STAT4: variants seen among roughly 807,000 people sequenced by gnomAD.
STAT4 encodes the protein signal transducer and activator of transcription 4.
In STAT4, 42 loss-of-function variants were observed where a neutral mutation model predicts 110.5. The observed-to-expected ratio is 0.38, with a 90% CI of 0.30 to 0.49. The LOEUF (loss-of-function observed/expected upper bound fraction) is 0.49. STAT4 is among the 20% of genes least tolerant of loss of function. The probability of loss-of-function intolerance (pLI) is 0.95; values close to 1 mark genes in which losing one functional copy is unlikely to be tolerated. For synonymous variants in STAT4, 284 were observed against 302.2 expected (o/e 0.94, Z 0.63); for missense variants, 632 against 887.9 (o/e 0.71, Z 3.66).
intron 6 of STAT4, chr2:191,068,735 T>C (rs1016852279): frequency 6.6e-6 from 1 of 152,148 alleles, no homozygotes; most frequent in East Asian, 1.9e-4. Context: ...ATAAACATAG[T>C]AAGCACAATG....
chr2:191,077,489 C>G lies in STAT4; in HGVS notation c.274-1164G>C, dbSNP rs1697348762. 6.6e-6 allele frequency among the ~76,000 whole-genome samples: 1 copy of G among 152,116 alleles called. No homozygotes were observed. Among genetic ancestry groups the G allele is most frequent in the South Asian group, 2.1e-4 (1 of 4,828 alleles). Reference sequence around the variant, plus strand: ...ATTTATTTAGTTTCCCTCAGCCCTCCTCCCTGAAGCTGGTGTGAATATATA... The same window carrying G: ...ATTTATTTAGTTTCCCTCAGCCCTCGTCCCTGAAGCTGGTGTGAATATATA... On this transcript the variant is annotated intron_variant, in intron 3 of 23. Transcript: ENST00000392320. This position sits in a 1 kb window ranked among gnomAD's most constrained non-coding sequence, Gnocchi z 4.1.
chr2:191,121,664 C>T lies in STAT4; in HGVS notation c.273+24949G>A, dbSNP rs201445933. Among the ~76,000 whole-genome samples, 110 of 151,802 alleles carry T rather than the reference C, an allele frequency of 7.2e-4. 1 individual carries two copies. The East Asian group carries it at 0.017, about 23-fold the overall frequency. On this transcript the variant is annotated intron_variant, in intron 3 of 23. Transcript: ENST00000392320. ...GAAACCATCATTCTCAGCAAATTAT[C>T]GCAAGGACAAAAAACCAAACACCGC...
At chr2:191,149,635 G>C (rs1699543625) in intron 1 of STAT4, among the ~76,000 whole-genome samples, 1 of 152,086 alleles carries the variant, frequency 6.6e-6, no homozygotes, top group Non-Finnish European at 1.5e-5. Context: ...GGCTTCTAAG[G>C]GACAACCTGA....
chr2:191,127,481 C>T (rs1698912106), intron 3 of STAT4, among the ~76,000 whole-genome samples: 1 of 152,206 alleles, frequency 6.6e-6, no homozygotes. Context: ...TACCACGGTG[C>T]TTACCACACT....
Position 191,112,779 on chromosome 2 carries a change from G to A in STAT4, c.273+33834C>T, listed in dbSNP as rs933098030. Among the ~76,000 whole-genome samples the A allele has an allele frequency of 5.3e-5, 8 of 152,176 alleles. No homozygotes were observed. Among genetic ancestry groups the A allele is most frequent in the Admixed American group, 1.3e-4 (2 of 15,282 alleles). Reference sequence around the variant, plus strand: ...GTAGATGTGGAAGCAGAACAATGACGCTCTGTCTTCAAGTCTAGAGCTCTT... The same window carrying A: ...GTAGATGTGGAAGCAGAACAATGACACTCTGTCTTCAAGTCTAGAGCTCTT... On this transcript the variant is annotated intron_variant, in intron 3 of 23. Transcript: ENST00000392320. The surrounding 1 kb of genome is among the most constrained non-coding windows in gnomAD (Gnocchi z 4.3).
chr2:191,034,707 G>C, intron 17 of STAT4, 110 bp from the exon 18 acceptor site: 1 of 787,504 alleles, frequency 1.3e-6, no homozygotes, highest in Non-Finnish European at 2.3e-6. Flanking sequence ...TTAAGCACTT[G>C]ATATGGGTTT....
rs1017984126 is a variant in STAT4, at chr2:191,117,071, C to T, written c.273+29542G>A. Among the ~76,000 whole-genome samples, 4 of 152,168 alleles carry T rather than the reference C, an allele frequency of 2.6e-5. No individual in the cohort carries two copies. Among genetic ancestry groups the T allele is most frequent in the African/African-American group, 7.2e-5 (3 of 41,444 alleles). On this transcript the variant is annotated intron_variant, in intron 3 of 23. Coordinates refer to ENST00000392320, the MANE Select transcript of STAT4 (RefSeq NM_003151.4). This position sits in a 1 kb window ranked among gnomAD's most constrained non-coding sequence, Gnocchi z 5.2. ...TTACAAAATCCAATAGGAACAGAAT[C>T]TCTGGAGTGGGGCTGCGCATGGCTA... is the stretch of plus-strand genomic sequence containing the variant.
At chr2:191,137,568 T>C (rs1699211943) in intron 3 of STAT4, among the ~76,000 whole-genome samples, 1 of 152,096 alleles carries the variant, frequency 6.6e-6, no homozygotes, top group African/African-American at 2.4e-5. Flanking sequence ...CAAAGCAATC[T>C]GAGCAAAAAG....
chr2:191,034,699 A>G (rs1438261334), intron 17 of STAT4, 102 bp from the exon 18 acceptor site: 4 of 840,546 alleles, frequency 4.8e-6, no homozygotes, highest in South Asian at 4.1e-5. Context: ...AGCATTTCTT[A>G]AGCACTTGAT....
intron 6 of STAT4, among the ~76,000 whole-genome samples, chr2:191,069,197 G>A (rs992776792): frequency 6.6e-6 from 1 of 151,896 alleles, no homozygotes; most frequent in Admixed American, 6.6e-5. Flanking sequence ...TAGATAGTGC[G>A]ATTTCACGAG....
upstream of STAT4, chr2:191,151,182 C>CA: frequency 1.0e-6 from 1 of 985,624 alleles, no homozygotes. The surrounding 1 kb of genome is among the most constrained non-coding windows in gnomAD (Gnocchi z 4.7). Flanking sequence ...GCTGGAGCCC[C>CA]TTCACCGGGC....
intron 3 of STAT4, among the ~76,000 whole-genome samples, chr2:191,109,503 T>A (rs78573601): frequency 6.6e-6 from 1 of 152,158 alleles, no homozygotes; most frequent in African/African-American, 2.4e-5. Context: ...GAAACATAGA[T>A]GCTATGAATT....
chr2:191,039,391 G>A lies in STAT4; in HGVS notation c.1336-94C>T. ...CTCGCCTCTAAAGGGCCAATCTCAA[G>A]CCAGCCCCACACCTCCAGTCCTGAT... On this transcript the variant is annotated intron_variant, in intron 15 of 23. Transcript: ENST00000392320. This position sits in a 1 kb window ranked among gnomAD's most constrained non-coding sequence, Gnocchi z 4.7. The A allele has an allele frequency of 9.6e-7, 1 of 1,046,618 alleles. No homozygotes were observed. Among genetic ancestry groups the A allele is most frequent in the Non-Finnish European group, 1.5e-6 (1 of 674,214 alleles). The allele number at this position is 1,046,618 out of a possible 1,614,324, so 64.8% of individuals were successfully genotyped here.
chr2:191,029,810 T>C lies in STAT4; in HGVS notation c.*30A>G. The C allele has an allele frequency of 1.3e-6, 2 of 1,594,032 alleles. No homozygotes were observed. The highest frequency in any genetic ancestry group is 1.7e-6 in the Non-Finnish European group (2 of 1,170,434). On this transcript the variant is annotated 3_prime_UTR_variant, in exon 24 of 24. Coordinates refer to ENST00000392320, the MANE Select transcript of STAT4 (RefSeq NM_003151.4). The surrounding 1 kb of genome is among the most constrained non-coding windows in gnomAD (Gnocchi z 4.5). ...CAGTCTTTAAACTTTTTCATTTGCT[T>C]CCTTTCTTGGTGCGTCAGAGTTTAT...
In STAT4 at chr2:191,088,766, G is replaced by C. The variant is rs1442099272; in HGVS notation, c.274-12441C>G. ...GAACAGAATAGACAGTTCTGAAATG[G>C]ATCCACGTAAATGTACTTAACTGAC... On this transcript the variant is annotated intron_variant, in intron 3 of 23. Transcript: ENST00000392320. 2.0e-5 allele frequency among the ~76,000 whole-genome samples: 3 copies of C among 152,120 alleles called. No homozygotes were observed. The East Asian group carries it at 5.8e-4, about 29-fold the overall frequency.
At chr2:191,121,006 T>C in intron 3 of STAT4, among the ~76,000 whole-genome samples, 1 of 151,978 alleles carries the variant, frequency 6.6e-6, no homozygotes, top group African/African-American at 2.4e-5. Flanking sequence ...GGGAGAAAAT[T>C]TTTGCAATCT....
rs895452087 is a variant in STAT4, at chr2:191,144,635, T to C, written c.273+1978A>G. On this transcript the variant is annotated intron_variant, in intron 3 of 23. Coordinates refer to ENST00000392320, the MANE Select transcript of STAT4 (RefSeq NM_003151.4). This position sits in a 1 kb window ranked among gnomAD's most constrained non-coding sequence, Gnocchi z 4.7. ...GAGCAGTGGCGTAGTGAAATAGAAGTGATGGTTTAACAAGGTTCGTCTGAT... is the reference window on the plus strand; with the variant it reads ...GAGCAGTGGCGTAGTGAAATAGAAGCGATGGTTTAACAAGGTTCGTCTGAT... 1.3e-5 allele frequency among the ~76,000 whole-genome samples: 2 copies of C among 149,202 alleles called. No individual in the cohort carries two copies. Among genetic ancestry groups the C allele is most frequent in the African/African-American group, 4.8e-5 (2 of 41,336 alleles).
In STAT4 at chr2:191,066,509, C is replaced by T. The variant is rs1482239088; in HGVS notation, c.551G>A (p.Ser184Asn). Residue 184 changes from serine (S) to asparagine (N), a missense_variant, in exon 7 of 24, where the codon AGT becomes AAT. Physicochemically the swap from Ser to Asn is conservative, Grantham distance 46 (BLOSUM62 1). This residue lies in a region of STAT4 where 488 missense variants were observed against 632.8 expected (regional missense o/e 0.77). Coordinates refer to ENST00000392320, the MANE Select transcript of STAT4 (RefSeq NM_003151.4). This position sits in a 1 kb window ranked among gnomAD's most constrained non-coding sequence, Gnocchi z 4.3. ...RYKTIQTMDQ[S>N]DKNSAMVNQE... ...ATTCACCATGGCACTATTCTTGTCA[C>T]TCTGATCTGCAAAGGTAAAGAGATC... 6.2e-7 allele frequency: 1 copy of T among 1,613,026 alleles called. No homozygotes were observed. Among genetic ancestry groups the T allele is most frequent in the African/African-American group, 1.3e-5 (1 of 74,866 alleles).
chr2:191,068,759 A>C (rs1484961186), intron 6 of STAT4, among the ~76,000 whole-genome samples: 2 of 152,130 alleles, frequency 1.3e-5, no homozygotes, highest in Non-Finnish European at 2.9e-5. Flanking sequence ...AAAACAAGTA[A>C]ATTAACATCA....
Sources: allele counts gnomAD v4.1 joint callset (sites outside exome capture counted in the v4.1 genomes callset), GRCh38; gene constraint gnomAD v4.1.1; regional missense constraint gnomAD v4.1.1; non-coding constraint Gnocchi (gnomAD v3.1); transcripts MANE v1.5; gene names NCBI Gene and HGNC (gene_info 2026-07-23, HGNC 2026-07-21).